RBM26: variants seen among roughly 807,000 people sequenced by gnomAD.
RBM26 encodes RNA binding motif protein 26.
A neutral mutation model predicts 123.6 loss-of-function variants in RBM26; 30 were observed. That is an observed-to-expected ratio of 0.24 (90% CI 0.18 to 0.33). The LOEUF (loss-of-function observed/expected upper bound fraction) is 0.33, where lower values mean the gene tolerates loss of function less well. Ranked by LOEUF, RBM26 falls within the 10% of genes least tolerant of loss-of-function variation. The probability of loss-of-function intolerance (pLI) is 1.00; values close to 1 mark genes in which losing one functional copy is unlikely to be tolerated. For missense variants in RBM26, 947 were observed against 1,203.6 expected, an observed-to-expected ratio of 0.79 and a Z score of 3.15; for synonymous variants, 400 against 404.4, an observed-to-expected ratio of 0.99 and a Z score of 0.13.
rs754205855 is a variant in RBM26 at position 79,322,347 on chromosome 13, ACTT to A, written c.2933_2934+1del. 1.4e-5 allele frequency: 22 copies of A among 1,538,934 alleles called. No homozygotes were observed. Among genetic ancestry groups the A allele is most frequent in the East Asian group, 9.4e-5 (4 of 42,378 alleles). On this transcript the variant is annotated splice_donor_variant and coding_sequence_variant, in exon 21 of 22. Transcript: ENST00000438737. LOFTEE classifies it high-confidence loss of function. ...AAAATAAGTGGAAAAAAAATAACATACTTCTTCTTCATCAGGCTCAACTTCTTC... is the reference window on the plus strand; with the variant it reads ...AAAATAAGTGGAAAAAAAATAACATACTTCTTCATCAGGCTCAACTTCTTC...
chr13:79,358,150 TG>T, intron 11 of RBM26, 123 bp downstream of exon 11: 1 of 823,844 alleles, frequency 1.2e-6, no homozygotes, highest in Non-Finnish European at 1.7e-6. Context: ...CCCAAAGTGC[TG>T]GGATTACAGG....
intron 1 of RBM26, among the ~76,000 whole-genome samples, chr13:79,394,332 G>A (rs9601225): frequency 2.0e-5 from 3 of 152,126 alleles, no homozygotes; most frequent in African/African-American, 7.2e-5. Context: ...TGCTTTTTGA[G>A]TTAGCACCCC....
At chr13:79,372,896 T>TTTTATATAA (rs2076105828) in intron 3 of RBM26, among the ~76,000 whole-genome samples, 1 of 78,540 alleles carries the variant, frequency 1.3e-5, no homozygotes, top group Admixed American at 1.8e-4. Flanking sequence ...CTATATAAAA[T>TTTTATATAA]ATATCTTATA....
intron 1 of RBM26, among the ~76,000 whole-genome samples, chr13:79,400,817 G>A (rs990549753): frequency 2.0e-5 from 3 of 152,146 alleles, no homozygotes; most frequent in African/African-American, 4.8e-5. Context: ...TGGTAACACT[G>A]AGGTAAGTAA....
At chr13:79,366,416 T>C (rs1047205590) in intron 7 of RBM26, among the ~76,000 whole-genome samples, 1 of 152,178 alleles carries the variant, frequency 6.6e-6, no homozygotes, top group East Asian at 1.9e-4. Context: ...GTTTTACCAG[T>C]GATATACTTA....
At chr13:79,375,840 A>G (rs1417428903) in intron 3 of RBM26, among the ~76,000 whole-genome samples, 1 of 151,906 alleles carries the variant, frequency 6.6e-6, no homozygotes, top group African/African-American at 2.4e-5. Flanking sequence ...GTAATCTGGA[A>G]AAAGCATAAA....
At position 79,338,623 on chromosome 13, in the gene RBM26, T is replaced by G. The variant is rs181930605; in HGVS notation, c.2533-1321A>C. On this transcript the variant is annotated intron_variant, in intron 18 of 21. Coordinates refer to ENST00000438737, the MANE Select transcript of RBM26 (RefSeq NM_001366735.2). ...ATCATGTTAAGGATTCTGAGTTTTA[T>G]CCCAAGAGCCATAAAAATAAATTAA... 2.0e-5 allele frequency among the ~76,000 whole-genome samples: 3 copies of G among 152,264 alleles called. No homozygotes were observed. In the East Asian group the frequency reaches 5.8e-4, roughly 29 times the overall value.
At position 79,364,152 on chromosome 13, in the gene RBM26, T is replaced by C. The variant is rs74100217; in HGVS notation, c.1417+1426A>G. ...ATCTTTTTTCTATTGTTGTTAATAATAGCTATTGAAATTCCTCAAAGAGAA... is the reference window on the plus strand; with the variant it reads ...ATCTTTTTTCTATTGTTGTTAATAACAGCTATTGAAATTCCTCAAAGAGAA... On this transcript the variant is annotated intron_variant, in intron 9 of 21. Transcript: ENST00000438737. 8.6e-3 allele frequency among the ~76,000 whole-genome samples: 1,304 copies of C among 152,252 alleles called. 19 individuals carry two copies. Among genetic ancestry groups the C allele is most frequent in the African/African-American group, 0.029 (1,225 of 41,542 alleles).
At chr13:79,377,713 G>C (rs190115048) in intron 2 of RBM26, among the ~76,000 whole-genome samples, 198 bp from the exon 3 acceptor site, 1 of 152,228 alleles carries the variant, frequency 6.6e-6, no homozygotes, top group Non-Finnish European at 1.5e-5. Flanking sequence ...GATCACCTGA[G>C]GTCAGGAGTT....
chr13:79,365,804 A>G, intron 8 of RBM26, 86 bp from the exon 9 acceptor site: 1 of 1,209,240 alleles, frequency 8.3e-7, no homozygotes, highest in Middle Eastern at 2.2e-4. Flanking sequence ...AAAGTAAACA[A>G]TATAACATAT....
chr13:79,326,485 T>G (rs1324764722), intron 20 of RBM26, among the ~76,000 whole-genome samples: 1 of 152,040 alleles, frequency 6.6e-6, no homozygotes, highest in Non-Finnish European at 1.5e-5. Context: ...GGAAATAGTA[T>G]CAGATGAAGA....
intron 1 of RBM26, among the ~76,000 whole-genome samples, chr13:79,403,327 A>G (rs1424861420): frequency 2.6e-5 from 4 of 152,176 alleles, no homozygotes; most frequent in Admixed American, 1.3e-4. Context: ...GCAGAGCCTT[A>G]TTTATTACAA....
intron 1 of RBM26, among the ~76,000 whole-genome samples, chr13:79,387,647 G>A (rs775695355): frequency 1.6e-4 from 24 of 151,422 alleles, no homozygotes; most frequent in Non-Finnish European, 2.9e-4. Context: ...ACCACCTTGC[G>A]CTCTTTCTCC....
At chr13:79,396,304 A>C (rs924894504) in intron 1 of RBM26, among the ~76,000 whole-genome samples, 2 of 152,216 alleles carry the variant, frequency 1.3e-5, no homozygotes, top group African/African-American at 4.8e-5. Context: ...TAAAACACTG[A>C]AATAGAAAAT....
rs1273586465 is a variant in RBM26 at position 79,372,883 on chromosome 13, ATGC to A, written c.328-956_328-954del. On this transcript the variant is annotated intron_variant, in intron 3 of 21. Coordinates refer to ENST00000438737, the MANE Select transcript of RBM26 (RefSeq NM_001366735.2). ...TATAAATATATTTATAATATTTTATATGCTATATAAAATATATCTTATATATTA... is the reference window on the plus strand; with the variant it reads ...TATAAATATATTTATAATATTTTATATATATAAAATATATCTTATATATTA... Among the ~76,000 whole-genome samples, 6 of 104,852 alleles carry A rather than the reference ATGC, an allele frequency of 5.7e-5. 1 individual carries two copies. Among genetic ancestry groups the A allele is most frequent in the Admixed American group, 2.5e-4 (2 of 8,110 alleles). The allele number at this position is 104,852 out of a possible 152,430, so 68.8% of individuals were successfully genotyped here.
At chr13:79,318,328 G>C (rs1285845716), downstream of RBM26, among the ~76,000 whole-genome samples, 1 of 150,818 alleles carries the variant, frequency 6.6e-6, no homozygotes, top group Non-Finnish European at 1.5e-5. Context: ...GCTATGACTG[G>C]GCAAATCATT....
intron 7 of RBM26, 66 bp from the exon 8 acceptor site, chr13:79,366,261 C>G: frequency 1.3e-6 from 2 of 1,504,168 alleles, no homozygotes; most frequent in Non-Finnish European, 9.1e-7. Flanking sequence ...TATTGCACAT[C>G]CGAACATAAT....
intron 6 of RBM26, 26 bp downstream of exon 6, chr13:79,368,704 C>G (rs776647275): frequency 1.3e-6 from 2 of 1,596,258 alleles, no homozygotes; most frequent in Non-Finnish European, 1.7e-6. Context: ...TAATTAAATA[C>G]TTTATCAAAC....
At chr13:79,389,392 T>TG (rs2077745141) in intron 1 of RBM26, 1 of 152,186 alleles carries the variant, frequency 6.6e-6, no homozygotes, top group Non-Finnish European at 1.5e-5. Context: ...AGATGTTCAT[T>TG]GCAGAGTTAT....
Sources: allele counts gnomAD v4.1 joint callset (sites outside exome capture counted in the v4.1 genomes callset), GRCh38; gene constraint gnomAD v4.1.1; transcripts MANE v1.5; gene names NCBI Gene and HGNC (gene_info 2026-07-23, HGNC 2026-07-21).